TMEM132C: variants seen among roughly 807,000 people sequenced by gnomAD.
TMEM132C encodes the protein transmembrane protein 132C, also known as protein phosphatase 1, regulatory subunit 152.
Under a neutral mutation model 61.4 loss-of-function variants are expected in TMEM132C, and 29 were observed. The ratio of observed to expected loss-of-function variants is 0.47; its 90% CI spans 0.35 to 0.64. The LOEUF is 0.64. Among genes scored for constraint, TMEM132C ranks in the 30% least tolerant of loss-of-function variants. The pLI is 0.00. For missense variants in TMEM132C, 1,408 were observed against 1,476.9 expected, an observed-to-expected ratio of 0.95 and a Z score of 0.76; for synonymous variants, 656 against 633.1, an observed-to-expected ratio of 1.04 and a Z score of -0.54.
chr12:128,514,872 C>CA (rs1422015598), intron 2 of TMEM132C, among the ~76,000 whole-genome samples: 1 of 152,226 alleles, frequency 6.6e-6, no homozygotes, highest in African/African-American at 2.4e-5. Context: ...TGAGGAAACT[C>CA]AGACAACTAA....
intron 5 of TMEM132C, among the ~76,000 whole-genome samples, chr12:128,686,551 C>A (rs1177115356): frequency 1.3e-5 from 2 of 152,178 alleles, no homozygotes; most frequent in East Asian, 3.9e-4. Flanking sequence ...TATGATTGCA[C>A]TAATGCACTC....
intron 2 of TMEM132C, among the ~76,000 whole-genome samples, chr12:128,525,332 C>CTG (rs1873047054): frequency 6.7e-6 from 1 of 148,150 alleles, no homozygotes; most frequent in Non-Finnish European, 1.5e-5. Flanking sequence ...CTCTCTCTCT[C>CTG]TCTCTCTCTC....
At position 128,529,734 on chromosome 12, in the gene TMEM132C, C is replaced by T. The variant is rs981744390; in HGVS notation, c.975-14223C>T. On this transcript the variant is annotated intron_variant, in intron 2 of 8. Transcript: ENST00000435159. ...CTGGGAGGTGGAGGTTGAAGTGAGC[C>T]GAGATCGTGCCACTGCACTCCAGCC... Among the ~76,000 whole-genome samples the T allele has an allele frequency of 8.6e-5, 13 of 152,026 alleles. No homozygotes were observed. In the East Asian group the frequency reaches 1.4e-3, roughly 16 times the overall value.
chr12:128,349,300 G>A (rs956247754), intron 1 of TMEM132C, among the ~76,000 whole-genome samples: 13 of 152,168 alleles, frequency 8.5e-5, no homozygotes, highest in African/African-American at 2.9e-4. Flanking sequence ...ACCGTGCCCA[G>A]CTGAGCCCTT....
intron 2 of TMEM132C, among the ~76,000 whole-genome samples, chr12:128,519,807 C>T (rs1872838935): frequency 1.3e-5 from 2 of 152,352 alleles, no homozygotes; most frequent in South Asian, 4.1e-4. Context: ...AGTGAGACCC[C>T]TCGAGAGTCT....
chr12:128,510,866 C>T (rs1010825555), intron 2 of TMEM132C, among the ~76,000 whole-genome samples: 1 of 152,236 alleles, frequency 6.6e-6, no homozygotes, highest in African/African-American at 2.4e-5. Context: ...GTGCCCTATG[C>T]CTGCTGCTCA....
chr12:128,488,973 GA>G (rs1209075364), intron 2 of TMEM132C, among the ~76,000 whole-genome samples: 3 of 151,864 alleles, frequency 2.0e-5, no homozygotes, highest in South Asian at 4.1e-4. Context: ...TTCATGCCAA[GA>G]AAAAAGTTTT....
intron 1 of TMEM132C, among the ~76,000 whole-genome samples, chr12:128,331,423 C>G (rs1872663275): frequency 1.3e-5 from 2 of 152,196 alleles, no homozygotes; most frequent in Admixed American, 6.5e-5. Flanking sequence ...TAACTAATTT[C>G]TCAATACTTC....
chr12:128,513,215 G>A lies in TMEM132C; in HGVS notation c.975-30742G>A, dbSNP rs569777361. ...GCCACCTGCTCACAGGGGAAGGACTGCTTCGGGCACATCAAGCAGAAACAT... is the reference window on the plus strand; with the variant it reads ...GCCACCTGCTCACAGGGGAAGGACTACTTCGGGCACATCAAGCAGAAACAT... On this transcript the variant is annotated intron_variant, in intron 2 of 8. Transcript: ENST00000435159. Among the ~76,000 whole-genome samples, 6 of 152,186 alleles carry A rather than the reference G, an allele frequency of 3.9e-5. No homozygotes were observed. In the South Asian group the frequency reaches 1.2e-3, roughly 32 times the overall value.
At chr12:128,297,545 C>A (rs1267668129) in intron 1 of TMEM132C, among the ~76,000 whole-genome samples, 2 of 152,152 alleles carry the variant, frequency 1.3e-5, no homozygotes, top group Admixed American at 1.3e-4. Flanking sequence ...GTCTCTCCTG[C>A]TTAGGGTTAA....
In TMEM132C at chr12:128,347,285, C is replaced by T. The variant is rs145521923; in HGVS notation, c.86-67447C>T. On this transcript the variant is annotated intron_variant, in intron 1 of 8. Transcript: ENST00000435159. ...TCTGTTTTACAGCTGAGTAGTATTC[C>T]ATGGTGTGTATATACCACATTTTCT... Among the ~76,000 whole-genome samples the T allele has an allele frequency of 7.3e-3, 1,116 of 152,238 alleles. 11 individuals are homozygous for T. The highest frequency in any genetic ancestry group is 0.025 in the African/African-American group (1,042 of 41,540).
chr12:128,308,764 C>G (rs79668906), intron 1 of TMEM132C, among the ~76,000 whole-genome samples: 1 of 152,162 alleles, frequency 6.6e-6, no homozygotes, highest in East Asian at 1.9e-4. Flanking sequence ...TGCACAAGGC[C>G]GGGGGTTTGC....
intron 2 of TMEM132C, among the ~76,000 whole-genome samples, chr12:128,492,747 A>G (rs1303580252): frequency 6.6e-6 from 1 of 152,172 alleles, no homozygotes; most frequent in East Asian, 1.9e-4. Context: ...GATTCTGGAT[A>G]TTAGCCCTTT....
At chr12:128,629,766 G>C (rs546162386) in intron 4 of TMEM132C, among the ~76,000 whole-genome samples, 1 of 152,136 alleles carries the variant, frequency 6.6e-6, no homozygotes, top group Non-Finnish European at 1.5e-5. Flanking sequence ...AGGGGTTTGC[G>C]ATCAGCCTGG....
intron 3 of TMEM132C, among the ~76,000 whole-genome samples, chr12:128,610,746 A>G (rs1876605182): frequency 6.6e-6 from 1 of 152,252 alleles, no homozygotes; most frequent in Non-Finnish European, 1.5e-5. Context: ...AATTGAAAGA[A>G]GAAAAGATTT....
At chr12:128,527,685 G>A (rs1873133922) in intron 2 of TMEM132C, among the ~76,000 whole-genome samples, 1 of 147,646 alleles carries the variant, frequency 6.8e-6, no homozygotes, top group South Asian at 2.2e-4. Flanking sequence ...ATGTGAACGT[G>A]CATGTACGTG....
At chr12:128,503,408 C>T (rs925238160) in intron 2 of TMEM132C, among the ~76,000 whole-genome samples, 7 of 152,176 alleles carry the variant, frequency 4.6e-5, no homozygotes, top group Non-Finnish European at 1.0e-4. Flanking sequence ...TGAACTCTTC[C>T]TCCTCAGTCT....
At chr12:128,345,732 A>G (rs1158015536) in intron 1 of TMEM132C, among the ~76,000 whole-genome samples, 1 of 151,314 alleles carries the variant, frequency 6.6e-6, no homozygotes, top group African/African-American at 2.4e-5. Flanking sequence ...GTTCCTGTTT[A>G]TGTCCTTTGC....
intron 1 of TMEM132C, among the ~76,000 whole-genome samples, chr12:128,292,219 G>A (rs906844417): frequency 6.6e-6 from 1 of 152,142 alleles, no homozygotes; most frequent in South Asian, 2.1e-4. Context: ...GCACATTCAA[G>A]TTTGCTTTCT....
Sources: allele counts gnomAD v4.1 joint callset (sites outside exome capture counted in the v4.1 genomes callset), GRCh38; gene constraint gnomAD v4.1.1; transcripts MANE v1.5; gene names NCBI Gene and HGNC (gene_info 2026-07-23, HGNC 2026-07-21).